FSHR: variants seen among roughly 807,000 people sequenced by gnomAD.
FSHR encodes the protein follicle stimulating hormone receptor.
In FSHR, 46 loss-of-function variants were observed where a neutral mutation model predicts 52.1. The observed-to-expected ratio is 0.88, with a 90% CI of 0.70 to 1.13. The LOEUF is 1.13. Among genes scored for constraint, FSHR ranks in the 50% most tolerant of loss-of-function variants. The pLI, the probability that FSHR is intolerant of heterozygous loss-of-function variation, is 0.00. For synonymous variants in FSHR, 399 were observed against 309.6 expected, an observed-to-expected ratio of 1.29 and a Z score of -3.03; for missense variants, 964 against 834.6, an observed-to-expected ratio of 1.16 and a Z score of -1.91.
intron 4 of FSHR, among the ~76,000 whole-genome samples, chr2:49,007,014 A>G (rs943920692): frequency 6.6e-6 from 1 of 152,110 alleles, no homozygotes; most frequent in African/African-American, 2.4e-5. Flanking sequence ...GGAGTGTACT[A>G]TGACCTCAGT....
At chr2:49,127,634 C>T (rs1171469424) in intron 1 of FSHR, among the ~76,000 whole-genome samples, 1 of 152,056 alleles carries the variant, frequency 6.6e-6, no homozygotes, top group Non-Finnish European at 1.5e-5. Flanking sequence ...AGCTTTCCTT[C>T]TCTGATACAC....
chr2:49,100,251 G>C (rs1670979128), intron 1 of FSHR, among the ~76,000 whole-genome samples: 1 of 152,126 alleles, frequency 6.6e-6, no homozygotes, highest in Non-Finnish European at 1.5e-5. Context: ...GCTTGCTCTA[G>C]CATCCATGCT....
chr2:49,072,520 C>G (rs1192897697), intron 1 of FSHR, among the ~76,000 whole-genome samples: 1 of 151,950 alleles, frequency 6.6e-6, no homozygotes, highest in Non-Finnish European at 1.5e-5. Context: ...ATTATGAACC[C>G]AATAATTTTT....
intron 2 of FSHR, 32 bp from the exon 3 acceptor site, chr2:49,020,192 G>C: frequency 1.3e-6 from 2 of 1,536,086 alleles, no homozygotes; most frequent in Non-Finnish European, 1.8e-6. Flanking sequence ...AGTCAAGCCA[G>C]TTCAGTTACA....
intron 4 of FSHR, among the ~76,000 whole-genome samples, chr2:48,992,761 T>G (rs1321102501): frequency 6.6e-6 from 1 of 152,128 alleles, no homozygotes; most frequent in African/African-American, 2.4e-5. Context: ...CCTAACTCCC[T>G]ATTTCTCTTT....
intron 2 of FSHR, among the ~76,000 whole-genome samples, chr2:49,021,878 TATATATATAGAGAGAG>T (rs1211841020): frequency 5.6e-4 from 34 of 60,850 alleles, no homozygotes; most frequent in African/African-American, 2.1e-3. Flanking sequence ...TATATATATA[TATATATATAGAGAGAG>T]AGAGAGAGAG....
At chr2:49,074,261 G>A (rs1251063173) in intron 1 of FSHR, among the ~76,000 whole-genome samples, 1 of 151,972 alleles carries the variant, frequency 6.6e-6, no homozygotes, top group African/African-American at 2.4e-5. Flanking sequence ...CCTATAGAAT[G>A]GAAGAAAATA....
chr2:48,998,629 T>G (rs556095652), intron 4 of FSHR, among the ~76,000 whole-genome samples: 2 of 152,176 alleles, frequency 1.3e-5, no homozygotes, highest in South Asian at 2.1e-4. Flanking sequence ...AAAAGGGGTA[T>G]AAACACTAAG....
chr2:48,979,817 G>C (rs1037291649), intron 8 of FSHR, among the ~76,000 whole-genome samples: 1 of 152,152 alleles, frequency 6.6e-6, no homozygotes, highest in Non-Finnish European at 1.5e-5. Flanking sequence ...GTGTGTGTGT[G>C]TGTGTGTGTG....
At chr2:49,136,926 G>C (rs1451564435) in intron 1 of FSHR, among the ~76,000 whole-genome samples, 2 of 152,052 alleles carry the variant, frequency 1.3e-5, no homozygotes, top group Admixed American at 6.6e-5. Context: ...GTGAGAGACT[G>C]GATGATTTTC....
chr2:49,063,246 C>T (rs190984335), intron 2 of FSHR, among the ~76,000 whole-genome samples: 48 of 152,194 alleles, frequency 3.2e-4, no homozygotes, highest in Non-Finnish European at 6.6e-4. Flanking sequence ...CTAAATTAAA[C>T]CAGCTTAATA....
rs1455100711 is a variant in FSHR at position 48,990,521 on chromosome 2, A to G, written c.446+45T>C. 4.0e-6 allele frequency: 5 copies of G among 1,241,332 alleles called. No homozygotes were observed. In the Admixed American group the frequency reaches 8.4e-5, roughly 21 times the overall value. The allele number at this position is 1,241,332 out of a possible 1,614,324, so 76.9% of individuals were successfully genotyped here. On this transcript the variant is annotated intron_variant, in intron 5 of 9. Coordinates refer to ENST00000406846, the MANE Select transcript of FSHR (RefSeq NM_000145.4). Reference sequence around the variant, plus strand: ...GGCCCAGATAGCCGTTGGGCAAGACAGATACTGAGTAAAGAGTTGGTAGTC... The same window carrying G: ...GGCCCAGATAGCCGTTGGGCAAGACGGATACTGAGTAAAGAGTTGGTAGTC...
chr2:49,070,976 GA>G (rs1282629016), intron 1 of FSHR, among the ~76,000 whole-genome samples: 1 of 152,124 alleles, frequency 6.6e-6, no homozygotes, highest in Non-Finnish European at 1.5e-5. Context: ...AGAATTCTAA[GA>G]GGGTAAACTA....
intron 1 of FSHR, among the ~76,000 whole-genome samples, chr2:49,074,723 C>A (rs562685108): frequency 1.3e-5 from 2 of 152,198 alleles, no homozygotes; most frequent in South Asian, 2.1e-4. Flanking sequence ...ATCTACACTT[C>A]CATGTTTTTA....
intron 1 of FSHR, among the ~76,000 whole-genome samples, chr2:49,117,146 A>C (rs368874539): frequency 1.3e-5 from 2 of 152,314 alleles, no homozygotes; most frequent in African/African-American, 4.8e-5. Flanking sequence ...TCACAGGAGA[A>C]GTCTACTTCT....
chr2:49,065,134 C>T (rs1400131954), intron 2 of FSHR, among the ~76,000 whole-genome samples: 1 of 152,080 alleles, frequency 6.6e-6, no homozygotes, highest in African/African-American at 2.4e-5. Context: ...AATTATTCCA[C>T]CTGGTGAGAG....
At position 48,997,360 on chromosome 2, in the gene FSHR, C is replaced by T. The variant is rs1676068925; in HGVS notation, c.375-6723G>A. 11 of 985,114 alleles carry T rather than the reference C, an allele frequency of 1.1e-5. No homozygotes were observed. The South Asian group carries it at 3.8e-4, about 34-fold the overall frequency. The allele number at this position is 985,114 out of a possible 1,614,324, so 61.0% of individuals were successfully genotyped here. On this transcript the variant is annotated intron_variant, in intron 4 of 9. Transcript: ENST00000406846. ...CATGGAAACCAAACTCCTTAGTAAT[C>T]AGGGGAAATTTAAGGAGCTCAAGGG...
intron 8 of FSHR, among the ~76,000 whole-genome samples, chr2:48,979,815 G>A (rs535461827): frequency 6.4e-4 from 98 of 152,270 alleles, no homozygotes; most frequent in African/African-American, 2.2e-3. Flanking sequence ...TTGTGTGTGT[G>A]TGTGTGTGTG....
intron 2 of FSHR, among the ~76,000 whole-genome samples, chr2:49,035,929 T>A (rs548930029): frequency 6.6e-6 from 1 of 152,338 alleles, no homozygotes; most frequent in South Asian, 2.1e-4. Flanking sequence ...ACTTAGTAAC[T>A]TTCATTTGAG....
Sources: allele counts gnomAD v4.1 joint callset (sites outside exome capture counted in the v4.1 genomes callset), GRCh38; gene constraint gnomAD v4.1.1; transcripts MANE v1.5; gene names NCBI Gene and HGNC (gene_info 2026-07-23, HGNC 2026-07-21).